LUZP2: variants seen among roughly 807,000 people sequenced by gnomAD.
LUZP2 encodes leucine zipper protein 2.
In LUZP2, 52 loss-of-function variants were observed where a neutral mutation model predicts 51.6. That is an observed-to-expected ratio of 1.01 (90% CI 0.81 to 1.27). The LOEUF (loss-of-function observed/expected upper bound fraction) is 1.27. LUZP2 is among the 50% of genes most tolerant of loss of function. The probability of loss-of-function intolerance (pLI) is 0.00; values close to 1 mark genes in which losing one functional copy is unlikely to be tolerated. For synonymous variants in LUZP2, 154 were observed against 137.3 expected (o/e 1.12, Z -0.85); for missense variants, 436 against 395.4 (o/e 1.10, Z -0.87).
intron 1 of LUZP2, among the ~76,000 whole-genome samples, chr11:24,561,277 A>G (rs2133772203): frequency 6.6e-6 from 1 of 152,302 alleles, no homozygotes; most frequent in East Asian, 1.9e-4. Context: ...CATATCAAAG[A>G]TATTTTAAAA....
At chr11:24,928,499 T>G (rs375566334) in intron 7 of LUZP2, among the ~76,000 whole-genome samples, 2 of 152,158 alleles carry the variant, frequency 1.3e-5, no homozygotes, top group East Asian at 3.9e-4. Flanking sequence ...TGTAATTTTT[T>G]AGAAAAATTC....
intron 5 of LUZP2, among the ~76,000 whole-genome samples, chr11:24,830,186 A>T (rs1850657646): frequency 6.6e-6 from 1 of 152,158 alleles, no homozygotes; most frequent in South Asian, 2.1e-4. Context: ...TAGTATCTGT[A>T]TCAAAACTAC....
intron 1 of LUZP2, among the ~76,000 whole-genome samples, chr11:24,570,521 T>G (rs1852398832): frequency 6.6e-6 from 1 of 152,094 alleles, no homozygotes; most frequent in Non-Finnish European, 1.5e-5. Flanking sequence ...TTGACTGATT[T>G]TTTAAATTGG....
intron 1 of LUZP2, among the ~76,000 whole-genome samples, chr11:24,721,124 G>A (rs918849396): frequency 6.6e-6 from 1 of 152,172 alleles, no homozygotes; most frequent in Non-Finnish European, 1.5e-5. Context: ...ATGTCCACTA[G>A]CGTGCCTTTG....
chr11:24,891,240 T>G lies in LUZP2; in HGVS notation c.397-14751T>G, dbSNP rs553090408. 6 of 984,908 alleles carry G rather than the reference T, an allele frequency of 6.1e-6. No homozygotes were observed. The African/African-American group carries it at 1.0e-4, about 17-fold the overall frequency. The allele number at this position is 984,908 out of a possible 1,614,324, so 61.0% of individuals were successfully genotyped here. A position where few individuals can be genotyped will look rare whatever the true frequency, so the allele number is the denominator to read the frequency against. On this transcript the variant is annotated intron_variant, in intron 5 of 11. Transcript: ENST00000336930. ...ACTTTGGTGATAAGGCAATTTAGCA[T>G]TTCCACAAAAATTTTAAGTGAAAAT...
chr11:24,983,149 A>T lies in LUZP2; in HGVS notation c.621A>T (p.Lys207Asn), dbSNP rs1302260315. 1.2e-6 allele frequency: 2 copies of T among 1,611,880 alleles called. No individual in the cohort carries two copies. The highest frequency in any genetic ancestry group is 3.3e-5 in the Admixed American group (2 of 59,768). Residue 207 changes from lysine (K) to asparagine (N), a missense_variant, in exon 9 of 12, where the codon AAA (lysine) becomes AAT (asparagine). Lys to Asn is a moderately conservative substitution (Grantham distance 94, BLOSUM62 0). Transcript: ENST00000336930. ...AGGAGTCACAGATGAAAGCAATGAA[A>T]GAGACTGTGCAGCTCTGCTTGACAT... ...LDRESQMKAM[K>N]ETVQLCLTSV...
chr11:24,576,674 A>G (rs1160915877), intron 1 of LUZP2, among the ~76,000 whole-genome samples: 1 of 152,084 alleles, frequency 6.6e-6, no homozygotes, highest in Non-Finnish European at 1.5e-5. Context: ...TGAAAATTAA[A>G]AAGTAGTTGT....
chr11:24,696,832 G>A (rs1857264323), intron 1 of LUZP2, among the ~76,000 whole-genome samples: 1 of 152,058 alleles, frequency 6.6e-6, no homozygotes, highest in South Asian at 2.1e-4. Flanking sequence ...ATGAGATTGG[G>A]TAAGTTGTAG....
At chr11:24,565,882 G>A (rs950396327) in intron 1 of LUZP2, among the ~76,000 whole-genome samples, 1 of 152,024 alleles carries the variant, frequency 6.6e-6, no homozygotes, top group Non-Finnish European at 1.5e-5. Flanking sequence ...GTAAATTATG[G>A]TTTTTATGGT....
intron 9 of LUZP2, among the ~76,000 whole-genome samples, chr11:24,994,841 T>TA (rs1247527149): frequency 6.6e-6 from 1 of 152,014 alleles, no homozygotes; most frequent in Non-Finnish European, 1.5e-5. Context: ...ATAAATTGAA[T>TA]ATATTGCTTT....
intron 7 of LUZP2, among the ~76,000 whole-genome samples, chr11:24,919,700 GA>G (rs1235675882): frequency 6.7e-6 from 1 of 149,444 alleles, no homozygotes; most frequent in Non-Finnish European, 1.5e-5. Context: ...ACATTATGAT[GA>G]AAAATCCTTT....
At position 24,995,392 on chromosome 11, in the gene LUZP2, T is replaced by C. The variant is rs117697066; in HGVS notation, c.765+12099T>C. ...TGGGTGACAGAGCAAGGCCTTGTCC[T>C]CAGAAAATAAAAATAAAAAGCTAAT... On this transcript the variant is annotated intron_variant, in intron 9 of 11. Coordinates refer to ENST00000336930, the MANE Select transcript of LUZP2 (RefSeq NM_001009909.4). Among the ~76,000 whole-genome samples, 1,229 of 152,140 alleles carry C rather than the reference T, an allele frequency of 8.1e-3. 34 individuals are homozygous for C. The East Asian group carries it at 0.099, about 12-fold the overall frequency.
At chr11:24,941,077 G>A (rs1275112995) in intron 7 of LUZP2, among the ~76,000 whole-genome samples, 8 of 152,162 alleles carry the variant, frequency 5.3e-5, no homozygotes, top group African/African-American at 1.7e-4. Context: ...AGATAGAAGA[G>A]GCATAAATAG....
intron 5 of LUZP2, among the ~76,000 whole-genome samples, 167 bp downstream of exon 5, chr11:24,763,475 A>AT (rs2134033585): frequency 6.6e-6 from 1 of 152,230 alleles, no homozygotes; most frequent in South Asian, 2.1e-4. Flanking sequence ...AAAGTAGATA[A>AT]TCCTTACGTT....
At chr11:24,834,164 G>GT (rs1564961576) in intron 5 of LUZP2, among the ~76,000 whole-genome samples, 10 of 151,932 alleles carry the variant, frequency 6.6e-5, no homozygotes. Context: ...TGCTATGGTG[G>GT]TTTGCTGCAC....
At chr11:24,791,044 T>G (rs1355932200) in intron 5 of LUZP2, among the ~76,000 whole-genome samples, 1 of 152,214 alleles carries the variant, frequency 6.6e-6, no homozygotes, top group Non-Finnish European at 1.5e-5. Flanking sequence ...TTTACCTGTA[T>G]GTTTAAATGG....
chr11:24,602,200 A>ATATATGTG (rs1853722011), intron 1 of LUZP2, among the ~76,000 whole-genome samples: 1 of 82,682 alleles, frequency 1.2e-5, no homozygotes, highest in Admixed American at 1.5e-4. Flanking sequence ...ATATATGTAC[A>ATATATGTG]TATATGTGTA....
intron 5 of LUZP2, among the ~76,000 whole-genome samples, chr11:24,765,257 G>T (rs1399771337): frequency 6.6e-6 from 1 of 152,124 alleles, no homozygotes; most frequent in East Asian, 1.9e-4. Context: ...GCACTTCATG[G>T]AAGATTTTCC....
chr11:24,825,073 A>G (rs760863719), intron 5 of LUZP2, among the ~76,000 whole-genome samples: 5 of 152,272 alleles, frequency 3.3e-5, no homozygotes, highest in Admixed American at 6.5e-5. Context: ...CACTATGTGT[A>G]AACACACCCA....
Sources: gnomAD v4.1 joint callset for allele counts (sites outside exome capture counted in the v4.1 genomes callset) on GRCh38, gnomAD v4.1.1 for gene constraint, MANE v1.5 for transcripts, NCBI Gene and HGNC (gene_info 2026-07-23, HGNC 2026-07-21) for gene names.